CDH10: variants seen among roughly 807,000 people sequenced by gnomAD.
CDH10 encodes the protein cadherin 10, also known as cadherin-10.
In CDH10, 30 loss-of-function variants were observed where a neutral mutation model predicts 73.1. The observed-to-expected ratio is 0.41, with a 90% CI of 0.31 to 0.56. The LOEUF is 0.56. CDH10 is among the 20% of genes least tolerant of loss of function. The pLI, the probability that CDH10 is intolerant of heterozygous loss-of-function variation, is 0.27. For synonymous variants in CDH10, 345 were observed against 348.2 expected (o/e 0.99, Z 0.10); for missense variants, 815 against 973.7 (o/e 0.84, Z 2.17).
intron 2 of CDH10, among the ~76,000 whole-genome samples, chr5:24,553,096 T>C (rs552900943): frequency 6.6e-6 from 1 of 152,302 alleles, no homozygotes; most frequent in East Asian, 1.9e-4. Context: ...AGACCGAATA[T>C]TATTTTTTTG....
chr5:24,607,433 A>C (rs1746797758), intron 1 of CDH10, among the ~76,000 whole-genome samples: 1 of 152,178 alleles, frequency 6.6e-6, no homozygotes, highest in African/African-American at 2.4e-5. Flanking sequence ...CATTATTTAT[A>C]AGAAGGAAAG....
intron 8 of CDH10, chr5:24,499,402 T>C (rs1288475202): frequency 3.3e-5 from 5 of 152,642 alleles, no homozygotes; most frequent in Non-Finnish European, 7.3e-5. Flanking sequence ...CATTTCTGGC[T>C]GGCTCATGCA....
intron 5 of CDH10, among the ~76,000 whole-genome samples, chr5:24,525,183 G>A (rs1041997651): frequency 2.6e-5 from 4 of 152,028 alleles, no homozygotes; most frequent in African/African-American, 9.7e-5. Context: ...TAGGTTTTGA[G>A]TTTAGCGACA....
chr5:24,555,802 T>C (rs1248075035), intron 2 of CDH10, among the ~76,000 whole-genome samples: 1 of 152,050 alleles, frequency 6.6e-6, no homozygotes, highest in Non-Finnish European at 1.5e-5. Flanking sequence ...AAGTGAGAAA[T>C]CTATAAGCAA....
intron 1 of CDH10, among the ~76,000 whole-genome samples, chr5:24,639,410 C>A (rs907380067): frequency 6.6e-6 from 1 of 151,576 alleles, no homozygotes; most frequent in Non-Finnish European, 1.5e-5. Flanking sequence ...ATATGGGCTG[C>A]CTTTGATCTA....
chr5:24,550,559 C>A (rs889152858), intron 2 of CDH10, among the ~76,000 whole-genome samples: 5 of 152,016 alleles, frequency 3.3e-5, no homozygotes, highest in Admixed American at 1.3e-4. Flanking sequence ...CAGCTGAAAT[C>A]TTCTCTATCT....
intron 1 of CDH10, among the ~76,000 whole-genome samples, chr5:24,635,906 C>T (rs564229866): frequency 2.0e-5 from 3 of 151,700 alleles, no homozygotes; most frequent in Non-Finnish European, 4.4e-5. Flanking sequence ...TTACATTGTC[C>T]GTAGAATTAG....
chr5:24,633,035 G>T (rs1170628080), intron 1 of CDH10, among the ~76,000 whole-genome samples: 2 of 151,694 alleles, frequency 1.3e-5, no homozygotes, highest in Admixed American at 6.6e-5. Context: ...AAAATTTTGT[G>T]CTTATATATT....
chr5:24,549,168 A>G (rs140262222), intron 2 of CDH10, among the ~76,000 whole-genome samples: 1 of 152,306 alleles, frequency 6.6e-6, no homozygotes, highest in East Asian at 1.9e-4. Flanking sequence ...GCAGAAAACA[A>G]AAATATGAAA....
intron 1 of CDH10, among the ~76,000 whole-genome samples, chr5:24,610,619 T>TCTC (rs1746911182): frequency 1.3e-5 from 2 of 152,198 alleles, no homozygotes; most frequent in African/African-American, 4.8e-5. Context: ...TTGATTTAAT[T>TCTC]TATTTCTGGT....
At chr5:24,602,061 T>TA (rs1746583206) in intron 1 of CDH10, among the ~76,000 whole-genome samples, 1 of 152,158 alleles carries the variant, frequency 6.6e-6, no homozygotes, top group African/African-American at 2.4e-5. Flanking sequence ...TCATTACTTT[T>TA]AAATATGTTT....
intron 8 of CDH10, 152 bp downstream of exon 8, chr5:24,504,960 A>T (rs1742651048): frequency 1.6e-6 from 1 of 608,570 alleles, no homozygotes; most frequent in Admixed American, 3.1e-5. Flanking sequence ...ATTGAAAAAA[A>T]GTGTAAGTGC....
In CDH10 at chr5:24,504,566, C is replaced by T. The variant is rs1579728585; in HGVS notation, c.1393+546G>A. 3.3e-5 allele frequency among the ~76,000 whole-genome samples: 4 copies of T among 121,190 alleles called. No individual in the cohort carries two copies. The Admixed American group carries it at 4.2e-4, about 13-fold the overall frequency. The allele number at this position is 121,190 out of a possible 152,430, so 79.5% of individuals were successfully genotyped here. Reference sequence around the variant, plus strand: ...TTTAAGATGGAATCTCGCTCTGTCGCCCGGGCTGGAGTGCAGTGGCGCGAT... The same window carrying T: ...TTTAAGATGGAATCTCGCTCTGTCGTCCGGGCTGGAGTGCAGTGGCGCGAT... On this transcript the variant is annotated intron_variant, in intron 8 of 11. Transcript: ENST00000264463.
intron 2 of CDH10, among the ~76,000 whole-genome samples, chr5:24,580,107 T>C (rs2112051475): frequency 6.6e-6 from 1 of 152,278 alleles, no homozygotes; most frequent in African/African-American, 2.4e-5. Flanking sequence ...ATTTCTGTTG[T>C]ATCAACTTTA....
At chr5:24,510,113 A>T (rs1055148231) in intron 6 of CDH10, among the ~76,000 whole-genome samples, 2 of 152,216 alleles carry the variant, frequency 1.3e-5, no homozygotes, top group Non-Finnish European at 2.9e-5. Context: ...ATTACAAAAA[A>T]TGGGCTAATG....
intron 3 of CDH10, among the ~76,000 whole-genome samples, chr5:24,536,379 T>C (rs1256867258): frequency 6.6e-6 from 1 of 152,086 alleles, no homozygotes; most frequent in Non-Finnish European, 1.5e-5. Flanking sequence ...CCAGAAGTTC[T>C]TGGGATTTAA....
intron 1 of CDH10, among the ~76,000 whole-genome samples, chr5:24,627,629 A>G (rs73743679): frequency 0.016 from 2,475 of 152,244 alleles, 66 homozygotes; most frequent in African/African-American, 0.056. Flanking sequence ...CGTTTGTAAA[A>G]TGGAGATGAT....
At chr5:24,514,373 G>T (rs2111782086) in intron 5 of CDH10, among the ~76,000 whole-genome samples, 1 of 152,058 alleles carries the variant, frequency 6.6e-6, no homozygotes, top group Non-Finnish European at 1.5e-5. Flanking sequence ...CAATTATCTT[G>T]GTCTCTTTTA....
In CDH10 at chr5:24,537,606, A is replaced by G. The variant is rs1294410363; in HGVS notation, c.300T>C (p.Thr100=). 3 of 1,606,444 alleles carry G rather than the reference A, an allele frequency of 1.9e-6. No individual in the cohort carries two copies. In the African/African-American group the frequency reaches 4.0e-5, roughly 22 times the overall value. The change falls in exon 3 of 12, where the codon ACT becomes ACC. Residue 100 remains threonine (T), a synonymous_variant. Coordinates refer to ENST00000264463, the MANE Select transcript of CDH10 (RefSeq NM_006727.5). ...CTGTTTTTTCATCAATAATAAAAAG[A>G]GTACCAGCTCCATCTCCAGATAAGA... The part of the protein sequence containing the change: ...KYILSGDGAG[T]LFIIDEKTGD...
Sources: gnomAD v4.1 joint callset for allele counts (sites outside exome capture counted in the v4.1 genomes callset) on GRCh38, gnomAD v4.1.1 for gene constraint, MANE v1.5 for transcripts, NCBI Gene and HGNC (gene_info 2026-07-23, HGNC 2026-07-21) for gene names.